The following C3orf49 variants were observed in gnomAD, a reference collection of about 807,000 sequenced individuals.
C3orf49 encodes chromosome 3 open reading frame 49.
Under a neutral mutation model 13.3 loss-of-function variants are expected in C3orf49, and 27 were observed. That is an observed-to-expected ratio of 2.02 (90% CI 1.49 to 2.79). The LOEUF is 2.79. Among genes scored for constraint, C3orf49 ranks in the 30% most tolerant of loss-of-function variants. The pLI is 0.00. For synonymous variants in C3orf49, 87 were observed against 47.6 expected, an observed-to-expected ratio of 1.83 and a Z score of -3.40; for missense variants, 242 against 134.2, an observed-to-expected ratio of 1.80 and a Z score of -3.97.
chr3:63,788,940 A>AT, the C3orf49 span, among the ~76,000 whole-genome samples: 2,311 of 151,480 alleles, frequency 0.015, 29 homozygotes, highest in South Asian at 0.066. Flanking sequence ...ATCTGGGCTG[A>AT]TTTTTTTTTC....
upstream of C3orf49, among the ~76,000 whole-genome samples, chr3:63,818,256 C>T (rs1387526323): frequency 1.3e-5 from 2 of 151,878 alleles, no homozygotes; most frequent in East Asian, 3.9e-4. Context: ...AGAAAACAAG[C>T]ATGGGTGGGT....
intron 5 of C3orf49, chr3:63,838,557 T>C: frequency 1.3e-6 from 2 of 1,501,928 alleles, no homozygotes; most frequent in Middle Eastern, 1.7e-4. Flanking sequence ...AAAAGTGAAC[T>C]GTTATAATGC....
intron 5 of C3orf49, among the ~76,000 whole-genome samples, chr3:63,836,022 ATTCTTT>A (rs1701626587): frequency 6.6e-6 from 1 of 152,028 alleles, no homozygotes; most frequent in African/African-American, 2.4e-5. Context: ...TAACTAGTTT[ATTCTTT>A]TTAACTGAAA....
At chr3:63,794,006 T>C in the C3orf49 span, among the ~76,000 whole-genome samples, 5 of 152,138 alleles carry the variant, frequency 3.3e-5, no homozygotes, top group African/African-American at 1.2e-4. Context: ...ATTTAAAAAA[T>C]TAGCCAGTGG....
rs1401447860 is a variant in C3orf49, at chr3:63,819,566, A to G, written c.95A>G (p.Asn32Ser). The G allele has an allele frequency of 8.5e-6, 6 of 703,354 alleles. No individual in the cohort carries two copies. The highest frequency in any genetic ancestry group is 6.0e-5 in the Admixed American group (3 of 50,002). 43.6% of individuals were successfully genotyped at this position (703,354 alleles called of 1,614,324 possible). ...CRRFQQLKKK[N>S]GSFKRKGIER... ...AGATTCCAGCAACTCAAGAAGAAAA[A>G]TGGCTCATTCAAAAGGAAGGGGATA... The change falls in exon 1 of 7, where the codon AAT becomes AGT. Residue 32 changes from asparagine (N) to serine (S), a missense_variant. Asn to Ser is a conservative substitution (Grantham distance 46). Transcript: ENST00000295896.
At chr3:63,783,738 A>C in the C3orf49 span, among the ~76,000 whole-genome samples, 348 of 147,654 alleles carry the variant, frequency 2.4e-3, no homozygotes, top group Admixed American at 4.4e-3. Context: ...TAAATTAATT[A>C]ATTCATTAAT....
At chr3:63,838,527 A>G (rs1346862313) in intron 5 of C3orf49, 1 of 1,576,676 alleles carries the variant, frequency 6.3e-7, no homozygotes, top group African/African-American at 1.4e-5. Flanking sequence ...AAACCAAAAT[A>G]AAGATATTTG....
chr3:63,780,465 T>C, the C3orf49 span, among the ~76,000 whole-genome samples: 4 of 152,254 alleles, frequency 2.6e-5, no homozygotes, highest in Non-Finnish European at 4.4e-5. Flanking sequence ...CATGTGTCCT[T>C]ACAGCAGCAT....
chr3:63,845,110 G>T lies in C3orf49; in HGVS notation c.*30+28G>T, dbSNP rs73831964. 1.7e-3 allele frequency: 1,177 copies of T among 685,552 alleles called. 8 individuals carry two copies. In the African/African-American group the frequency reaches 0.019, roughly 11 times the overall value. 42.5% of individuals were successfully genotyped at this position (685,552 alleles called of 1,614,324 possible). On this transcript the variant is annotated intron_variant, in intron 6 of 6. Transcript: ENST00000295896. ...GATGCTAACCTTCTTTTCTGGGGGT[G>T]GGGGGTACTATCTCCTTCATGTAGC...
the C3orf49 span, among the ~76,000 whole-genome samples, chr3:63,796,652 G>A: frequency 6.6e-6 from 1 of 152,060 alleles, no homozygotes; most frequent in Non-Finnish European, 1.5e-5. Flanking sequence ...TAGATAGTGT[G>A]GGTATCTTAT....
At position 63,842,220 on chromosome 3, in the gene C3orf49, A is replaced by G. The variant is rs535276662; in HGVS notation, c.850-2803A>G. Among the ~76,000 whole-genome samples the G allele has an allele frequency of 5.3e-5, 8 of 152,330 alleles. No individual in the cohort carries two copies. In the East Asian group the frequency reaches 1.5e-3, roughly 29 times the overall value. On this transcript the variant is annotated intron_variant, in intron 5 of 6. Coordinates refer to ENST00000295896, the MANE Select transcript of C3orf49 (RefSeq NM_001355236.2). ...CCAACAGGTATATGAAAAAATTCTC[A>G]ACATCACTAATCAGGGAAATGCAAA... is the stretch of plus-strand genomic sequence containing the variant.
the C3orf49 span, among the ~76,000 whole-genome samples, chr3:63,810,020 C>T: frequency 0.081 from 12,224 of 151,758 alleles, 1,168 homozygotes; most frequent in African/African-American, 0.23. Flanking sequence ...CATGGTGGTG[C>T]CTGTAATCCC....
chr3:63,779,916 A>G, the C3orf49 span: 4 of 152,170 alleles, frequency 2.6e-5, no homozygotes, highest in Admixed American at 6.6e-5. Flanking sequence ...GCATACTCCA[A>G]TCATTTTCCC....
rs74572960 is a variant in C3orf49 at position 63,842,187 on chromosome 3, A to C, written c.850-2836A>C. 6.5e-4 allele frequency among the ~76,000 whole-genome samples: 99 copies of C among 152,318 alleles called. 2 individuals are homozygous for C. The East Asian group carries it at 0.017, about 26-fold the overall frequency. The stretch of plus-strand genomic sequence containing the variant: ...ATAGACACTTCTCAAAAGAAGACAT[A>C]CAAATGGCCAACAGGTATATGAAAA... On this transcript the variant is annotated intron_variant, in intron 5 of 6. Transcript: ENST00000295896.
At chr3:63,841,908 C>T (rs1194051653) in intron 5 of C3orf49, among the ~76,000 whole-genome samples, 1 of 152,154 alleles carries the variant, frequency 6.6e-6, no homozygotes, top group Non-Finnish European at 1.5e-5. Flanking sequence ...TATCTGTGTT[C>T]TTCTCAAGTC....
chr3:63,830,439 ATATCC>A (rs1701517904), intron 3 of C3orf49, among the ~76,000 whole-genome samples: 3 of 152,186 alleles, frequency 2.0e-5, no homozygotes, highest in South Asian at 4.1e-4. Context: ...ATGTGGTCCC[ATATCC>A]TACTTTGTGT....
At chr3:63,780,166 G>C in the C3orf49 span, among the ~76,000 whole-genome samples, 2 of 152,216 alleles carry the variant, frequency 1.3e-5, no homozygotes, top group Middle Eastern at 3.4e-3. Flanking sequence ...AAAGGCCCCG[G>C]TGTGTGATGT....
the C3orf49 span, among the ~76,000 whole-genome samples, chr3:63,811,660 T>C: frequency 1.3e-5 from 2 of 151,508 alleles, no homozygotes; most frequent in Non-Finnish European, 2.9e-5. Flanking sequence ...GGTGGGAAGA[T>C]CACCTGCGCC....
chr3:63,845,762 T>C (rs1487162154), intron 6 of C3orf49, among the ~76,000 whole-genome samples: 1 of 152,162 alleles, frequency 6.6e-6, no homozygotes, highest in East Asian at 1.9e-4. Context: ...CAACATAAAA[T>C]GGTTTCTTTA....
Sources: gnomAD v4.1 joint callset for allele counts (sites outside exome capture counted in the v4.1 genomes callset) on GRCh38, gnomAD v4.1.1 for gene constraint, MANE v1.5 for transcripts, NCBI Gene and HGNC (gene_info 2026-07-23, HGNC 2026-07-21) for gene names.